CACNB4: variants seen among roughly 807,000 people sequenced by gnomAD.
CACNB4 encodes the protein voltage-dependent L-type calcium channel subunit beta-4.
In CACNB4, 32 loss-of-function variants were observed where a neutral mutation model predicts 71.2. The ratio of observed to expected loss-of-function variants is 0.45; its 90% CI spans 0.34 to 0.60. The LOEUF (loss-of-function observed/expected upper bound fraction) is 0.60, where lower values mean the gene tolerates loss of function less well. Among genes scored for constraint, CACNB4 ranks in the 20% least tolerant of loss-of-function variants. CACNB4 has a pLI of 0.01. For missense variants in CACNB4, 464 were observed against 647.9 expected, an observed-to-expected ratio of 0.72 and a Z score of 3.08; for synonymous variants, 231 against 236.9, an observed-to-expected ratio of 0.97 and a Z score of 0.23.
In CACNB4 at chr2:152,046,988, G is replaced by A. The variant is rs1685170805; in HGVS notation, c.147+51342C>T. ...GAGATGGAGTAGGGATCCCTCTTAG[G>A]GGCCTCCCCAGCTTCCTCTCAGCCT... On this transcript the variant is annotated intron_variant, in intron 2 of 13. Transcript: ENST00000539935. Among the ~76,000 whole-genome samples, 3 of 152,064 alleles carry A rather than the reference G, an allele frequency of 2.0e-5. No homozygotes were observed. In the South Asian group the frequency reaches 6.2e-4, roughly 32 times the overall value.
At chr2:152,004,532 TACACACACACACACAC>T (rs5835400) in intron 2 of CACNB4, among the ~76,000 whole-genome samples, 6 of 149,420 alleles carry the variant, frequency 4.0e-5, no homozygotes, top group Middle Eastern at 3.5e-3. Flanking sequence ...TTTACATACA[TACACACACACACACAC>T]ACACACACAC....
chr2:151,914,246 T>C (rs1358498351), intron 2 of CACNB4, among the ~76,000 whole-genome samples: 1 of 152,194 alleles, frequency 6.6e-6, no homozygotes, highest in Non-Finnish European at 1.5e-5. Context: ...TATCCTTTTT[T>C]CTGCTTGGTC....
chr2:151,982,891 T>C (rs1036102317), intron 2 of CACNB4, among the ~76,000 whole-genome samples: 4 of 152,084 alleles, frequency 2.6e-5, no homozygotes, highest in Admixed American at 6.5e-5. Flanking sequence ...GTCAGTAGAA[T>C]AGGAATAAAG....
chr2:152,000,756 T>C (rs1214625866), intron 2 of CACNB4, among the ~76,000 whole-genome samples: 1 of 152,184 alleles, frequency 6.6e-6, no homozygotes, highest in Non-Finnish European at 1.5e-5. Flanking sequence ...GACAGCACTC[T>C]GTACCTACTC....
intron 2 of CACNB4, among the ~76,000 whole-genome samples, chr2:152,087,994 AAGAT>A (rs1187244887): frequency 6.6e-6 from 1 of 152,190 alleles, no homozygotes; most frequent in Non-Finnish European, 1.5e-5. Context: ...CAAATCCAAA[AAGAT>A]AGAGAATAGA....
At chr2:152,058,239 G>A (rs1046150993) in intron 2 of CACNB4, among the ~76,000 whole-genome samples, 1 of 152,156 alleles carries the variant, frequency 6.6e-6, no homozygotes, top group Non-Finnish European at 1.5e-5. Context: ...ACAGCAGTAT[G>A]AAAACAGACT....
At chr2:152,023,830 C>G (rs1683814671) in intron 2 of CACNB4, among the ~76,000 whole-genome samples, 1 of 152,222 alleles carries the variant, frequency 6.6e-6, no homozygotes, top group Non-Finnish European at 1.5e-5. Flanking sequence ...GCGTACAACT[C>G]AACGAATTGA....
At position 151,833,384 on chromosome 2, in the gene CACNB4, T is replaced by A. The variant is rs908383454; in HGVS notation, c.*5735A>T. ...AATATAATTTTTTGTGGTTGGGACATCTTTATTGATCATTCTGACTCGAGG... is the reference window on the plus strand; with the variant it reads ...AATATAATTTTTTGTGGTTGGGACAACTTTATTGATCATTCTGACTCGAGG... On this transcript the variant is annotated 3_prime_UTR_variant, in exon 14 of 14. Coordinates refer to ENST00000539935, the MANE Select transcript of CACNB4 (RefSeq NM_000726.5). 6.6e-6 allele frequency: 1 copy of A among 152,124 alleles called. No individual in the cohort carries two copies. The highest frequency in any genetic ancestry group is 1.5e-5 in the Non-Finnish European group (1 of 67,980). The allele number at this position is 152,124 out of a possible 1,614,324, so 9.4% of individuals were successfully genotyped here.
chr2:152,031,011 CA>C (rs1684255287), intron 2 of CACNB4, among the ~76,000 whole-genome samples: 1 of 152,188 alleles, frequency 6.6e-6, no homozygotes, highest in Non-Finnish European at 1.5e-5. Flanking sequence ...TGGATACAAG[CA>C]GTCCAGGAGA....
intron 2 of CACNB4, chr2:151,883,751 A>ATAC (rs2099848570): frequency 3.4e-6 from 1 of 297,076 alleles, no homozygotes. Flanking sequence ...CTTATTACAA[A>ATAC]AGATAAATCC....
At chr2:152,073,139 C>T (rs1008965082) in intron 2 of CACNB4, among the ~76,000 whole-genome samples, 1 of 152,136 alleles carries the variant, frequency 6.6e-6, no homozygotes, top group Non-Finnish European at 1.5e-5. Context: ...CAATATATCA[C>T]AAATGGCATC....
intron 3 of CACNB4, among the ~76,000 whole-genome samples, chr2:151,882,181 CTTTTT>C (rs35206904): frequency 1.5e-3 from 77 of 50,842 alleles, no homozygotes; most frequent in African/African-American, 4.9e-3. Context: ...ACCGGCCCCT[CTTTTT>C]TTTTTTTTTT....
intron 2 of CACNB4, among the ~76,000 whole-genome samples, chr2:151,941,630 C>G (rs1017773792): frequency 8.5e-5 from 13 of 152,094 alleles, no homozygotes; most frequent in Non-Finnish European, 1.6e-4. Flanking sequence ...GTAAGACTAG[C>G]ATCTCCCCTC....
At chr2:151,954,719 C>G (rs1184457339) in intron 2 of CACNB4, among the ~76,000 whole-genome samples, 1 of 152,044 alleles carries the variant, frequency 6.6e-6, no homozygotes, top group Non-Finnish European at 1.5e-5. Context: ...TTGAAAGAAT[C>G]CTATTTTCAA....
At chr2:152,011,196 T>C (rs1683038538) in intron 2 of CACNB4, among the ~76,000 whole-genome samples, 1 of 152,210 alleles carries the variant, frequency 6.6e-6, no homozygotes, top group Non-Finnish European at 1.5e-5. Context: ...TGAAGTCATC[T>C]AGAATTCAAG....
intron 2 of CACNB4, among the ~76,000 whole-genome samples, chr2:152,063,079 A>G (rs1686108589): frequency 6.6e-6 from 1 of 152,174 alleles, no homozygotes; most frequent in African/African-American, 2.4e-5. Context: ...CTTAGGGAGA[A>G]GGGATTAGAT....
intron 10 of CACNB4, among the ~76,000 whole-genome samples, chr2:151,855,828 T>C (rs527411371): frequency 1.2e-3 from 176 of 152,318 alleles, no homozygotes; most frequent in African/African-American, 4.0e-3. Context: ...GTGGACATGC[T>C]TCTTTTAAAA....
At position 151,842,037 on chromosome 2, in the gene CACNB4, G is replaced by A; in HGVS notation, c.1168C>T (p.His390Tyr). Residue 390 changes from histidine (H) to tyrosine (Y), a missense_variant, in exon 13 of 14, where the codon CAT becomes TAT. Coordinates refer to ENST00000539935, the MANE Select transcript of CACNB4 (RefSeq NM_000726.5). Reference sequence around the variant, plus strand: ...TACGCCTCCAGGTACTCCCCTAGATGTTCACATGCATCCTCAAGCTGATTT... The same window carrying A: ...TACGCCTCCAGGTACTCCCCTAGATATTCACATGCATCCTCAAGCTGATTT... Reference protein sequence around the residue: ...DENQLEDACEHLGEYLEAYWR... With the variant: ...DENQLEDACEYLGEYLEAYWR... 1 of 1,613,858 alleles carries A rather than the reference G, an allele frequency of 6.2e-7. No individual in the cohort carries two copies. The highest frequency in any genetic ancestry group is 8.5e-7 in the Non-Finnish European group (1 of 1,179,840).
chr2:151,875,591 C>T (rs1459798968), intron 5 of CACNB4, among the ~76,000 whole-genome samples: 1 of 148,254 alleles, frequency 6.7e-6, no homozygotes, highest in Non-Finnish European at 1.5e-5. Flanking sequence ...CGCCCCTCAC[C>T]TCCCGGACGG....
Sources: gnomAD v4.1 joint callset for allele counts (sites outside exome capture counted in the v4.1 genomes callset) on GRCh38, gnomAD v4.1.1 for gene constraint, MANE v1.5 for transcripts, NCBI Gene and HGNC (gene_info 2026-07-23, HGNC 2026-07-21) for gene names.